RBPJ: variants seen among roughly 807,000 people sequenced by gnomAD.
The protein encoded by RBPJ is recombination signal binding protein for immunoglobulin kappa J region.
A neutral mutation model predicts 67.8 loss-of-function variants in RBPJ; 9 were observed. The observed-to-expected ratio is 0.13, with a 90% CI of 0.08 to 0.23. The LOEUF (loss-of-function observed/expected upper bound fraction) is 0.23, where lower values mean the gene tolerates loss of function less well. Ranked by LOEUF, RBPJ falls within the 10% of genes least tolerant of loss-of-function variation. RBPJ has a pLI of 1.00. For missense variants in RBPJ, 305 were observed against 595.6 expected (o/e 0.51, Z 5.08); for synonymous variants, 198 against 203.3 (o/e 0.97, Z 0.22).
the RBPJ span, among the ~76,000 whole-genome samples, chr4:26,109,606 C>G: frequency 1.3e-4 from 4 of 31,850 alleles, no homozygotes; most frequent in Non-Finnish European, 2.0e-4. Flanking sequence ...TATACAGCCA[C>G]TGTGCCTGTC....
intron 7 of RBPJ, among the ~76,000 whole-genome samples, chr4:26,428,161 C>T (rs199902292): frequency 1.3e-5 from 2 of 152,122 alleles, no homozygotes; most frequent in African/African-American, 2.4e-5. Context: ...TTTTTAAATA[C>T]GTAAGTTTTG....
chr4:26,286,037 G>GGCGGCAGTGCGCTATGATCGTGCC (rs1560244599), intron 1 of RBPJ, among the ~76,000 whole-genome samples: 1 of 133,910 alleles, frequency 7.5e-6, no homozygotes. Flanking sequence ...AGGAATTCAA[G>GGCGGCAGTGCGCTATGATCGTGCC]GCTGCAGTGC....
rs1419538346 is a variant in RBPJ at position 26,166,544 on chromosome 4, T to C, written c.-167+2930T>C. 5.3e-5 allele frequency among the ~76,000 whole-genome samples: 8 copies of C among 151,522 alleles called. No homozygotes were observed. In the East Asian group the frequency reaches 5.8e-4, roughly 11 times the overall value. ...TTGAGAAGTGTCTGTTCATATCCTT[T>C]GCCCACTTTTTGATGGGGTTGTTTG... On this transcript the variant is annotated intron_variant, in intron 1 of 4. Transcript: ENST00000512351.
chr4:26,168,678 T>C (rs1336245502), intron 1 of RBPJ, among the ~76,000 whole-genome samples: 1 of 152,244 alleles, frequency 6.6e-6, no homozygotes, highest in Admixed American at 6.5e-5. Context: ...TCCAACTTGG[T>C]TCCATTCTCC....
intron 2 of RBPJ, among the ~76,000 whole-genome samples, chr4:26,390,734 A>G (rs762947641): frequency 2.4e-4 from 37 of 152,196 alleles, no homozygotes; most frequent in Non-Finnish European, 5.0e-4. Flanking sequence ...AGTCCTAATT[A>G]AATGTTCTTC....
At chr4:26,425,110 T>G in intron 7 of RBPJ, 2 of 262,300 alleles carry the variant, frequency 7.6e-6, no homozygotes, top group Non-Finnish European at 7.1e-6. Context: ...TTGTGGTACC[T>G]GCCATATCCC....
At chr4:26,404,387 A>G (rs753006770) in intron 2 of RBPJ, among the ~76,000 whole-genome samples, 35 of 152,132 alleles carry the variant, frequency 2.3e-4, no homozygotes, top group Non-Finnish European at 4.6e-4. Flanking sequence ...TACCACTTTT[A>G]TCATCACCTG....
chr4:26,295,153 C>T (rs1721822452), intron 1 of RBPJ, among the ~76,000 whole-genome samples: 1 of 152,110 alleles, frequency 6.6e-6, no homozygotes, highest in Non-Finnish European at 1.5e-5. Flanking sequence ...ATTTTTCTCC[C>T]CTCCACTAGG....
At chr4:26,110,364 ACTCTTACTCTCCTGT>A in the RBPJ span, among the ~76,000 whole-genome samples, 5 of 151,946 alleles carry the variant, frequency 3.3e-5, no homozygotes, top group Admixed American at 2.6e-4. The surrounding 1 kb of genome is among the most constrained non-coding windows in gnomAD (Gnocchi z 4.5). Flanking sequence ...GTCCCTGCAG[ACTCTTACTCTCCTGT>A]AGCTCTGTGG....
intron 1 of RBPJ, among the ~76,000 whole-genome samples, chr4:26,361,573 C>A (rs936000561): frequency 6.6e-6 from 1 of 151,930 alleles, no homozygotes; most frequent in South Asian, 2.1e-4. Flanking sequence ...CTAGGAAGCT[C>A]TTTTTATGGC....
chr4:26,153,809 G>T, the RBPJ span, among the ~76,000 whole-genome samples: 2 of 152,240 alleles, frequency 1.3e-5, no homozygotes, highest in East Asian at 3.9e-4. Context: ...ATAACATGAG[G>T]TCAGGTGTGG....
chr4:26,118,940 G>A, the RBPJ span, among the ~76,000 whole-genome samples: 4 of 152,214 alleles, frequency 2.6e-5, no homozygotes, highest in South Asian at 6.2e-4. Flanking sequence ...TAGTCCTTTT[G>A]GGATGTGGTC....
the RBPJ span, among the ~76,000 whole-genome samples, chr4:26,122,561 G>A: frequency 2.3e-4 from 35 of 152,174 alleles, no homozygotes; most frequent in Admixed American, 1.4e-3. Context: ...TAGGAGGAAC[G>A]CTTAAACATT....
intron 1 of RBPJ, among the ~76,000 whole-genome samples, chr4:26,242,539 G>T (rs1719680756): frequency 6.6e-6 from 1 of 151,742 alleles, no homozygotes; most frequent in South Asian, 2.1e-4. Flanking sequence ...AGGTAAGAAG[G>T]TTATAACTAT....
At position 26,336,372 on chromosome 4, in the gene RBPJ, C is replaced by A. The variant is rs370936476; in HGVS notation, c.20+15324C>A. ...ACTGTGGCTTGTAATCCCAGCCATC[C>A]CAGAGGCTGAGGTGGAAGGATTGCT... On this transcript the variant is annotated intron_variant, in intron 1 of 10. Coordinates refer to ENST00000355476, the MANE Select transcript of RBPJ (RefSeq NM_015874.6). Among the ~76,000 whole-genome samples, 5 of 152,096 alleles carry A rather than the reference C, an allele frequency of 3.3e-5. 1 individual carries two copies.
upstream of RBPJ, among the ~76,000 whole-genome samples, chr4:26,160,188 G>A (rs576891722): frequency 4.6e-5 from 7 of 152,330 alleles, no homozygotes; most frequent in South Asian, 8.3e-4. Context: ...AAAGTGCTGG[G>A]ATTACAGGCG....
the RBPJ span, among the ~76,000 whole-genome samples, chr4:26,128,279 G>A: frequency 6.6e-6 from 1 of 152,180 alleles, no homozygotes; most frequent in Non-Finnish European, 1.5e-5. Context: ...TTCTACCTAT[G>A]GCCTCCAGGG....
At chr4:26,316,595 AAT>A (rs200472663), upstream of RBPJ, among the ~76,000 whole-genome samples, 1,721 of 121,484 alleles carry the variant, frequency 0.014, 12 homozygotes, top group Non-Finnish European at 0.02. Flanking sequence ...TCATATATAT[AAT>A]ATATATATAC....
chr4:26,247,877 CCTATTTGGGTACTATGATCA>C (rs1284343417), intron 1 of RBPJ, among the ~76,000 whole-genome samples: 1 of 152,122 alleles, frequency 6.6e-6, no homozygotes, highest in Non-Finnish European at 1.5e-5. Flanking sequence ...TGGGAAACTA[CCTATTTGGGTACTATGATCA>C]CTATTTGGGT....
Sources: allele counts gnomAD v4.1 joint callset (sites outside exome capture counted in the v4.1 genomes callset), GRCh38; gene constraint gnomAD v4.1.1; non-coding constraint Gnocchi (gnomAD v3.1); transcripts MANE v1.5; gene names NCBI Gene and HGNC (gene_info 2026-07-23, HGNC 2026-07-21).